EWSR1: variants seen among roughly 807,000 people sequenced by gnomAD.
The protein encoded by EWSR1 is RNA-binding protein EWS.
Under a neutral mutation model 92.1 loss-of-function variants are expected in EWSR1, and 14 were observed. That is an observed-to-expected ratio of 0.15 (90% CI 0.10 to 0.24). The LOEUF (loss-of-function observed/expected upper bound fraction) is 0.24. Ranked by LOEUF, EWSR1 falls within the 10% of genes least tolerant of loss-of-function variation. The pLI is 1.00. For synonymous variants in EWSR1, 303 were observed against 292.9 expected (o/e 1.03, Z -0.35); for missense variants, 637 against 870.9 (o/e 0.73, Z 3.38).
chr22:29,272,290 T>A (rs199543598), intron 2 of EWSR1, 38 bp downstream of exon 2: 1 of 1,613,298 alleles, frequency 6.2e-7, no homozygotes, highest in Admixed American at 1.7e-5. Context: ...TGTGTGTGAT[T>A]AATATTTTTT....
intron 8 of EWSR1, chr22:29,291,125 G>T (rs536800699): frequency 8.3e-6 from 2 of 241,194 alleles, no homozygotes; most frequent in African/African-American, 4.4e-5. Flanking sequence ...GACTTGTTAG[G>T]AAACCCTGGG....
In EWSR1 at chr22:29,296,383, C is replaced by T. The variant is rs750142056; in HGVS notation, c.1294+15C>T. The T allele has an allele frequency of 1.2e-6, 2 of 1,613,246 alleles. No individual in the cohort carries two copies. Among genetic ancestry groups the T allele is most frequent in the South Asian group, 2.2e-5 (2 of 90,944 alleles). On this transcript the variant is annotated intron_variant, in intron 12 of 16. Transcript: ENST00000397938. ...ATGGTTTGATGGTGAGATGTACTCACTGGCATTCTTAATCTCCCTGGCTAT... is the reference window on the plus strand; with the variant it reads ...ATGGTTTGATGGTGAGATGTACTCATTGGCATTCTTAATCTCCCTGGCTAT...
chr22:29,282,880 A>T (rs2059721004), intron 6 of EWSR1, among the ~76,000 whole-genome samples: 1 of 149,664 alleles, frequency 6.7e-6, no homozygotes, highest in African/African-American at 2.5e-5. Flanking sequence ...CTCCTGCCTC[A>T]ACCTCCCGAG....
At chr22:29,294,921 AAG>A (rs2060734434) in intron 11 of EWSR1, among the ~76,000 whole-genome samples, 1 of 151,978 alleles carries the variant, frequency 6.6e-6, no homozygotes, top group South Asian at 2.1e-4. Flanking sequence ...CAAAAAAAAA[AAG>A]GAAATACAGT....
chr22:29,277,802 T>C (rs1180306506), intron 4 of EWSR1: 2 of 489,976 alleles, frequency 4.1e-6, no homozygotes, highest in Admixed American at 3.7e-5. Context: ...TTCTGTTAGG[T>C]GTGGTTTTAG....
intron 4 of EWSR1, chr22:29,274,571 C>T (rs753765367): frequency 5.0e-6 from 2 of 400,246 alleles, no homozygotes; most frequent in South Asian, 8.8e-5. Flanking sequence ...AGCTGATTTT[C>T]CCCTGTTCCC....
chr22:29,297,067 A>T (rs1271559881), intron 12 of EWSR1, among the ~76,000 whole-genome samples: 1 of 152,104 alleles, frequency 6.6e-6, no homozygotes. Context: ...GTGTCAAATA[A>T]CAAGTCCTGG....
At chr22:29,282,340 C>A in intron 5 of EWSR1, 50 bp from the exon 6 acceptor site, 1 of 1,476,506 alleles carries the variant, frequency 6.8e-7, no homozygotes, top group Non-Finnish European at 9.0e-7. Context: ...GGTTGACCAA[C>A]CACACAAAAA....
At chr22:29,286,853 T>G (rs2060081659) in intron 6 of EWSR1, 70 bp from the exon 7 acceptor site, 2 of 1,202,510 alleles carry the variant, frequency 1.7e-6, no homozygotes, top group African/African-American at 1.5e-5. Flanking sequence ...GTCTCTTTTA[T>G]TCAGGGGATT....
In EWSR1 at chr22:29,278,049, C is replaced by A. The variant is rs747812796; in HGVS notation, c.246C>A (p.Ala82=). Residue 82 remains alanine (A), a synonymous_variant, in exon 5 of 17, where the codon GCC becomes GCA. Transcript: ENST00000397938. Reference sequence around the variant, plus strand: ...TTCTAGGTTATACTACTCCAACTGCCCCCCAGGCATACAGCCAGCCTGTCC... The same window carrying A: ...TTCTAGGTTATACTACTCCAACTGCACCCCAGGCATACAGCCAGCCTGTCC... The part of the protein sequence containing the change: ...QPPTGYTTPT[A]PQAYSQPVQG... The A allele has an allele frequency of 7.4e-6, 12 of 1,613,810 alleles. No homozygotes were observed. In the South Asian group the frequency reaches 1.1e-4, roughly 15 times the overall value.
At chr22:29,289,789 A>AT (rs1380916513) in intron 8 of EWSR1, 2 of 231,846 alleles carry the variant, frequency 8.6e-6, no homozygotes, top group African/African-American at 2.2e-5. Flanking sequence ...CACTACTGAA[A>AT]GACAGTACTA....
intron 4 of EWSR1, chr22:29,274,307 C>A (rs767079679): frequency 6.2e-7 from 1 of 1,613,006 alleles, no homozygotes; most frequent in Admixed American, 1.7e-5. Context: ...CTCATTCTTG[C>A]ATGGGAAATG....
chr22:29,286,552 T>C (rs1195429176), intron 6 of EWSR1, among the ~76,000 whole-genome samples: 1 of 151,732 alleles, frequency 6.6e-6, no homozygotes, highest in Non-Finnish European at 1.5e-5. Flanking sequence ...CCAGGCGTGG[T>C]GGTGGGCACC....
intron 1 of EWSR1, among the ~76,000 whole-genome samples, chr22:29,270,131 C>T (rs868535271): frequency 3.3e-5 from 5 of 152,206 alleles, no homozygotes; most frequent in Admixed American, 3.3e-4. Context: ...AGCTCAGGTA[C>T]TGTGAAGCTC....
intron 1 of EWSR1, chr22:29,269,707 A>G (rs1602149290): frequency 6.7e-6 from 1 of 149,656 alleles, no homozygotes; most frequent in South Asian, 2.1e-4. Context: ...AGTGGATACC[A>G]AAGAGTGCCG....
intron 5 of EWSR1, among the ~76,000 whole-genome samples, chr22:29,281,619 C>T (rs1416523202): frequency 5.9e-5 from 9 of 151,708 alleles, no homozygotes; most frequent in East Asian, 1.9e-4. Context: ...CTTGCTCTGT[C>T]GCCCAGGCTG....
chr22:29,282,728 T>C (rs2059702355), intron 6 of EWSR1, among the ~76,000 whole-genome samples, 171 bp downstream of exon 6: 1 of 152,054 alleles, frequency 6.6e-6, no homozygotes, highest in Admixed American at 6.6e-5. Flanking sequence ...GGTCCCATAG[T>C]GTTGCCTGGC....
At chr22:29,268,469 C>A in intron 1 of EWSR1, 120 bp downstream of exon 1, 1 of 1,556,288 alleles carries the variant, frequency 6.4e-7, no homozygotes, top group South Asian at 1.1e-5. Flanking sequence ...GTTGAGGCAC[C>A]CGCCGCGGCC....
chr22:29,273,010 G>C (rs1012195181), intron 3 of EWSR1, among the ~76,000 whole-genome samples: 2 of 152,186 alleles, frequency 1.3e-5, no homozygotes, highest in African/African-American at 4.8e-5. Context: ...AACTGCCATG[G>C]AAACATGTTC....
Sources: allele counts gnomAD v4.1 joint callset (sites outside exome capture counted in the v4.1 genomes callset), GRCh38; gene constraint gnomAD v4.1.1; transcripts MANE v1.5; gene names NCBI Gene and HGNC (gene_info 2026-07-23, HGNC 2026-07-21).